Variants in NECAB1 observed in about 807,000 individuals in gnomAD.
NECAB1 encodes the protein N-terminal EF-hand calcium binding protein 1.
In NECAB1, 29 loss-of-function variants were observed where a neutral mutation model predicts 57.5. The observed-to-expected ratio is 0.50, with a 90% CI of 0.38 to 0.69. The LOEUF (loss-of-function observed/expected upper bound fraction) is 0.69. Among genes scored for constraint, NECAB1 ranks in the 30% least tolerant of loss-of-function variants. The probability of loss-of-function intolerance (pLI) is 0.00; values close to 1 mark genes in which losing one functional copy is unlikely to be tolerated. For synonymous variants in NECAB1, 142 were observed against 147.7 expected (o/e 0.96, Z 0.28); for missense variants, 372 against 413.8 (o/e 0.90, Z 0.88).
At chr8:90,894,069 T>G (rs559038835) in intron 5 of NECAB1, among the ~76,000 whole-genome samples, 1 of 152,308 alleles carries the variant, frequency 6.6e-6, no homozygotes. Flanking sequence ...AAACAGAGGC[T>G]GATTTTCATG....
intron 3 of NECAB1, 138 bp downstream of exon 3, chr8:90,824,963 C>T (rs1812199234): frequency 2.5e-6 from 1 of 403,982 alleles, no homozygotes; most frequent in Non-Finnish European, 4.5e-6. Context: ...TTCTGAGATA[C>T]CTCTTTAGTA....
intron 3 of NECAB1, among the ~76,000 whole-genome samples, chr8:90,836,175 C>T (rs947795470): frequency 6.6e-5 from 10 of 152,040 alleles, no homozygotes; most frequent in Non-Finnish European, 1.2e-4. Context: ...GTTTCTTTTT[C>T]CTGATATAAT....
chr8:90,844,573 G>A (rs1197414172), intron 3 of NECAB1, among the ~76,000 whole-genome samples: 1 of 152,126 alleles, frequency 6.6e-6, no homozygotes, highest in Non-Finnish European at 1.5e-5. Flanking sequence ...CTGTCCTTAT[G>A]TCTAAACTTC....
intron 5 of NECAB1, among the ~76,000 whole-genome samples, chr8:90,900,595 A>C (rs1456020046): frequency 6.6e-6 from 1 of 152,208 alleles, no homozygotes; most frequent in Non-Finnish European, 1.5e-5. Flanking sequence ...ATTGGGTAGA[A>C]TTAGTTCTTT....
chr8:90,825,115 T>C (rs957151614), intron 3 of NECAB1: 1 of 182,244 alleles, frequency 5.5e-6, no homozygotes, highest in African/African-American at 2.3e-5. Context: ...AGTTCTGCCA[T>C]TAATTTAAAA....
chr8:90,839,175 T>C (rs948417838), intron 3 of NECAB1, among the ~76,000 whole-genome samples: 5 of 152,226 alleles, frequency 3.3e-5, no homozygotes, highest in Non-Finnish European at 7.3e-5. Flanking sequence ...TTTATCTTTC[T>C]ATAACAAAAA....
At chr8:90,906,897 A>ATATATATATGTATGTATATG in intron 5 of NECAB1, among the ~76,000 whole-genome samples, 1 of 140,276 alleles carries the variant, frequency 7.1e-6, no homozygotes, top group African/African-American at 2.7e-5. Flanking sequence ...ATATATATAT[A>ATATATATATGTATGTATATG]TATATATATA....
intron 9 of NECAB1, chr8:90,940,536 C>T: frequency 5.0e-6 from 2 of 403,046 alleles, no homozygotes; most frequent in South Asian, 9.5e-5. Context: ...AGAATCACTG[C>T]TTTTAAAGGG....
chr8:90,802,123 C>A (rs549809354), intron 2 of NECAB1, among the ~76,000 whole-genome samples: 2 of 152,150 alleles, frequency 1.3e-5, no homozygotes, highest in African/African-American at 2.4e-5. Context: ...CTGTATGACA[C>A]GCAAGTCTGG....
chr8:90,791,882 C>T lies in NECAB1; in HGVS notation c.-5C>T, dbSNP rs530467615. The T allele has an allele frequency of 3.2e-6, 5 of 1,549,870 alleles. No homozygotes were observed. Among genetic ancestry groups the T allele is most frequent in the Non-Finnish European group, 4.4e-6 (5 of 1,146,608 alleles). ...CTCCGCCTGAGGCCGTCAGGGCTCC[C>T]GAGGATGGAAGATTCCCAGGAGACA... On this transcript the variant is annotated 5_prime_UTR_variant, in exon 1 of 13. Transcript: ENST00000417640.
At chr8:90,849,686 ATTTT>A (rs34779201) in intron 3 of NECAB1, among the ~76,000 whole-genome samples, 2 of 84,110 alleles carry the variant, frequency 2.4e-5, no homozygotes, top group Admixed American at 1.8e-4. Context: ...GTTTCCAGTA[ATTTT>A]TTTTTTTTTT....
intron 3 of NECAB1, among the ~76,000 whole-genome samples, chr8:90,865,939 C>T (rs1808504080): frequency 3.3e-5 from 5 of 152,198 alleles, no homozygotes; most frequent in Admixed American, 3.3e-4. Flanking sequence ...TCAGGAGGCA[C>T]ATCTATTTCT....
At chr8:90,814,636 T>G (rs1337728093) in intron 2 of NECAB1, among the ~76,000 whole-genome samples, 1 of 152,172 alleles carries the variant, frequency 6.6e-6, no homozygotes, top group Non-Finnish European at 1.5e-5. Flanking sequence ...CTTCAAATTT[T>G]CCCTCTTTGG....
intron 5 of NECAB1, among the ~76,000 whole-genome samples, chr8:90,886,618 C>T (rs1356376788): frequency 3.3e-5 from 5 of 151,974 alleles, no homozygotes; most frequent in Non-Finnish European, 2.9e-5. Context: ...CTCCTGAGCT[C>T]AGGTGATCCA....
intron 3 of NECAB1, among the ~76,000 whole-genome samples, chr8:90,867,136 T>C (rs896622272): frequency 1.3e-5 from 2 of 152,186 alleles, no homozygotes; most frequent in Non-Finnish European, 2.9e-5. Context: ...AATAAAGGAA[T>C]ATGTGAAGCC....
At chr8:90,818,168 G>A (rs1199372883) in intron 2 of NECAB1, among the ~76,000 whole-genome samples, 1 of 151,762 alleles carries the variant, frequency 6.6e-6, no homozygotes. Flanking sequence ...TTGATAATGT[G>A]TGTTTTCTCT....
chr8:90,908,552 C>T (rs942432612), intron 5 of NECAB1, among the ~76,000 whole-genome samples: 1 of 152,030 alleles, frequency 6.6e-6, no homozygotes, highest in Admixed American at 6.6e-5. Context: ...TTTTACAGCC[C>T]CTATCTGTCT....
intron 10 of NECAB1, among the ~76,000 whole-genome samples, chr8:90,943,682 G>A (rs948318715): frequency 6.6e-6 from 1 of 152,160 alleles, no homozygotes; most frequent in Non-Finnish European, 1.5e-5. Flanking sequence ...GTCTCATCAT[G>A]ATTAGGCACA....
In NECAB1 at chr8:90,949,146, TTGTGTGTGTGTGTGTGTGTGTGTGTG is replaced by T. The variant is rs59311652; in HGVS notation, c.861-635_861-610del. ...ACTTCATCCAGAGACAACAGGCACTTTGTGTGTGTGTGTGTGTGTGTGTGTGTGTGTGTGTGTGTGTGTGTGTGTGT... is the reference window on the plus strand; with the variant it reads ...ACTTCATCCAGAGACAACAGGCACTTTGTGTGTGTGTGTGTGTGTGTGTGT... On this transcript the variant is annotated intron_variant, in intron 10 of 12. Coordinates refer to ENST00000417640, the MANE Select transcript of NECAB1 (RefSeq NM_022351.5). Among the ~76,000 whole-genome samples the T allele has an allele frequency of 4.1e-3, 527 of 129,972 alleles. 2 individuals are homozygous for T. Among genetic ancestry groups the T allele is most frequent in the Admixed American group, 7.3e-3 (96 of 13,094 alleles). The allele number at this position is 129,972 out of a possible 152,430, so 85.3% of individuals were successfully genotyped here. A position where few individuals can be genotyped will look rare whatever the true frequency, so the allele number is the denominator to read the frequency against.
Sources: allele counts gnomAD v4.1 joint callset (sites outside exome capture counted in the v4.1 genomes callset), GRCh38; gene constraint gnomAD v4.1.1; transcripts MANE v1.5; gene names NCBI Gene and HGNC (gene_info 2026-07-23, HGNC 2026-07-21).